ATG4B: variants seen among roughly 807,000 people sequenced by gnomAD.
The protein encoded by ATG4B is autophagy related 4B cysteine peptidase.
ATG4B carries 29 observed loss-of-function variants against 56.6 expected under a neutral mutation model. The observed-to-expected ratio is 0.51, with a 90% CI of 0.38 to 0.70. ATG4B has a LOEUF of 0.70. Among genes scored for constraint, ATG4B ranks in the 30% least tolerant of loss-of-function variants. The pLI is 0.00. For missense variants in ATG4B, 461 were observed against 515.5 expected (o/e 0.89, Z 1.02); for synonymous variants, 224 against 206.1 (o/e 1.09, Z -0.74).
chr2:241,642,702 T>C (rs1206291378), intron 1 of ATG4B, among the ~76,000 whole-genome samples: 1 of 151,372 alleles, frequency 6.6e-6, no homozygotes, highest in Non-Finnish European at 1.5e-5. Flanking sequence ...ACATGTTTTT[T>C]CTGATGGAAT....
chr2:241,649,283 A>C (rs1477711781), intron 1 of ATG4B, among the ~76,000 whole-genome samples: 2 of 152,236 alleles, frequency 1.3e-5, no homozygotes, highest in East Asian at 3.8e-4. Context: ...GTATGATTTC[A>C]CGTACGAACC....
chr2:241,666,850 CG>C lies in ATG4B; in HGVS notation c.732+13del. 5.2e-6 allele frequency: 8 copies of C among 1,549,218 alleles called. No homozygotes were observed. The highest frequency in any genetic ancestry group is 7.0e-6 in the Non-Finnish European group (8 of 1,147,434). On this transcript the variant is annotated intron_variant, in intron 8 of 12. Coordinates refer to ENST00000404914, the MANE Select transcript of ATG4B (RefSeq NM_013325.5). Reference sequence around the variant, plus strand: ...TGGAGACGCTGAAGGTGGGTCCTGCCGTGCGGCGCTTGCCCTGAGTCCCCGT... The same window carrying C: ...TGGAGACGCTGAAGGTGGGTCCTGCCTGCGGCGCTTGCCCTGAGTCCCCGT...
chr2:241,654,538 T>C lies in ATG4B; in HGVS notation c.284-8T>C. ...GGTAGAGCTGACCTGTAATTTTTTT[T>C]CCAATAGATTGGAGGTGGACACAAA... On this transcript the variant is annotated splice_region_variant and splice_polypyrimidine_tract_variant and intron_variant, in intron 4 of 12. Transcript: ENST00000404914. The C allele has an allele frequency of 6.3e-7, 1 of 1,577,360 alleles. No homozygotes were observed.
chr2:241,660,838 T>G (rs2068568558), intron 7 of ATG4B, among the ~76,000 whole-genome samples: 1 of 152,188 alleles, frequency 6.6e-6, no homozygotes. Flanking sequence ...GGAAATCACT[T>G]ACCCCCTCGT....
chr2:241,648,876 C>T (rs561547905), intron 1 of ATG4B, among the ~76,000 whole-genome samples: 4 of 152,302 alleles, frequency 2.6e-5, no homozygotes, highest in South Asian at 2.1e-4. Context: ...GAATTAGCTG[C>T]GCATACAATT....
chr2:241,638,905 T>A (rs2067784106), intron 1 of ATG4B, among the ~76,000 whole-genome samples: 1 of 152,244 alleles, frequency 6.6e-6, no homozygotes, highest in South Asian at 2.1e-4. Flanking sequence ...TTGTATTATA[T>A]CTTTTTAGGT....
At chr2:241,657,207 C>T (rs1380015961) in intron 6 of ATG4B, among the ~76,000 whole-genome samples, 1 of 150,016 alleles carries the variant, frequency 6.7e-6, no homozygotes, top group Non-Finnish European at 1.5e-5. Context: ...GAACTCCTGA[C>T]CTCGTGATCC....
intron 1 of ATG4B, among the ~76,000 whole-genome samples, chr2:241,637,958 G>C (rs2067726284): frequency 6.6e-6 from 1 of 151,660 alleles, no homozygotes; most frequent in African/African-American, 2.4e-5. Flanking sequence ...GGTTGCGCTG[G>C]AGCTTCTGCT....
At chr2:241,646,070 T>A (rs975023581) in intron 1 of ATG4B, among the ~76,000 whole-genome samples, 1 of 152,232 alleles carries the variant, frequency 6.6e-6, no homozygotes, top group Admixed American at 6.5e-5. Context: ...CACACACCTG[T>A]AATTTTCACA....
intron 7 of ATG4B, among the ~76,000 whole-genome samples, chr2:241,664,927 G>A (rs1234783646): frequency 6.6e-6 from 1 of 151,960 alleles, no homozygotes; most frequent in Admixed American, 6.6e-5. Flanking sequence ...TTATGCCACT[G>A]CACTCCAGCC....
rs752539092 is a variant in ATG4B, at chr2:241,654,602, G to A, written c.340G>A (p.Ala114Thr). 3.1e-6 allele frequency: 5 copies of A among 1,603,676 alleles called. No individual in the cohort carries two copies. The highest frequency in any genetic ancestry group is 3.4e-6 in the Non-Finnish European group (4 of 1,175,138). ...AGACAGCTACTTCAGCGTCCTCAAC[G>A]CATTCATCGACAGGAAGGACAGTTA... ...QPDSYFSVLN[A>T]FIDRKDSYYS... The change falls in exon 5 of 13, where the codon GCA becomes ACA. Residue 114 changes from alanine (A) to threonine (T), a missense_variant. Transcript: ENST00000404914.
At chr2:241,645,005 A>AT (rs897033289) in intron 1 of ATG4B, among the ~76,000 whole-genome samples, 5 of 151,852 alleles carry the variant, frequency 3.3e-5, no homozygotes, top group African/African-American at 1.2e-4. Context: ...ATCTTCCTCC[A>AT]TTATAAAGTA....
intron 10 of ATG4B, 22 bp from the exon 11 acceptor site, chr2:241,670,704 G>C (rs1575094282): frequency 6.2e-7 from 1 of 1,601,604 alleles, no homozygotes; most frequent in Non-Finnish European, 8.5e-7. Context: ...GTCGTGTTCT[G>C]CTCATCGTCA....
rs2068218359 is a variant in ATG4B, at chr2:241,651,180, TCTCTG to T, written c.112+72_112+76del. The T allele has an allele frequency of 3.8e-6, 6 of 1,560,430 alleles. No individual in the cohort carries two copies. The South Asian group carries it at 6.9e-5, about 18-fold the overall frequency. ...TGCAGAAGCATTTTGTGATCACTGT[TCTCTG>T]CTAACTCTGCCATAACTTGTGACTT... On this transcript the variant is annotated intron_variant, in intron 2 of 12. Transcript: ENST00000404914. The surrounding 1 kb of genome is among the most constrained non-coding windows in gnomAD (Gnocchi z 4.1).
At chr2:241,639,531 C>T (rs1179274962) in intron 1 of ATG4B, among the ~76,000 whole-genome samples, 1 of 152,184 alleles carries the variant, frequency 6.6e-6, no homozygotes, top group Admixed American at 6.5e-5. Context: ...TCATTGGGTC[C>T]CTAGTTCTTG....
intron 1 of ATG4B, among the ~76,000 whole-genome samples, chr2:241,645,545 T>C (rs552678588): frequency 6.6e-6 from 1 of 152,322 alleles, no homozygotes; most frequent in South Asian, 2.1e-4. Flanking sequence ...CCGTGCAGTT[T>C]AGAGCTTTTC....
At chr2:241,659,958 G>T (rs6760572) in intron 7 of ATG4B, among the ~76,000 whole-genome samples, 1 of 152,166 alleles carries the variant, frequency 6.6e-6, no homozygotes, top group African/African-American at 2.4e-5. Context: ...TTGGGAGGCC[G>T]AGGTGGGTGG....
Position 241,668,184 on chromosome 2 carries a change from G to A in ATG4B, c.774G>A (p.Gly258=). 5 of 1,607,812 alleles carry A rather than the reference G, an allele frequency of 3.1e-6. No homozygotes were observed. The highest frequency in any genetic ancestry group is 4.2e-6 in the Non-Finnish European group (5 of 1,177,566). The change falls in exon 9 of 13, where the codon GGG becomes GGA. Residue 258 remains glycine (G), a synonymous_variant. Coordinates refer to ENST00000404914, the MANE Select transcript of ATG4B (RefSeq NM_013325.5). This position sits in a 1 kb window ranked among gnomAD's most constrained non-coding sequence, Gnocchi z 4.2. ...MMPQSLGVIG[G]KPNSAHYFIG... ...CCCAGTCCCTGGGCGTCATCGGAGG[G>A]AAGCCCAACAGCGCCCACTACTTCA... is the stretch of plus-strand genomic sequence containing the variant.
chr2:241,658,685 C>T (rs1403893078), intron 6 of ATG4B, among the ~76,000 whole-genome samples: 2 of 152,204 alleles, frequency 1.3e-5, no homozygotes, highest in East Asian at 1.9e-4. Context: ...ACTCAGATTC[C>T]TTGGTTGTCA....
Sources: allele counts gnomAD v4.1 joint callset (sites outside exome capture counted in the v4.1 genomes callset), GRCh38; gene constraint gnomAD v4.1.1; non-coding constraint Gnocchi (gnomAD v3.1); transcripts MANE v1.5; gene names NCBI Gene and HGNC (gene_info 2026-07-23, HGNC 2026-07-21).